OR1J2: variants seen among roughly 807,000 people sequenced by gnomAD.
OR1J2 encodes olfactory receptor family 1 subfamily J member 2.
For synonymous variants in OR1J2, 142 were observed against 99.7 expected (o/e 1.42, Z -2.52); for missense variants, 304 against 246.1 (o/e 1.24, Z -1.57).
At chr9:122,473,009 G>A in the OR1J2 span, among the ~76,000 whole-genome samples, 1 of 152,166 alleles carries the variant, frequency 6.6e-6, no homozygotes, top group Non-Finnish European at 1.5e-5. Flanking sequence ...TTTCTCCCAA[G>A]ATGTTTGGAT....
At chr9:122,447,977 G>T in the OR1J2 span, among the ~76,000 whole-genome samples, 2 of 152,180 alleles carry the variant, frequency 1.3e-5, no homozygotes, top group African/African-American at 4.8e-5. Context: ...TGTCAGGTGG[G>T]ATGAGAGACT....
chr9:122,529,874 T>C, the OR1J2 span, among the ~76,000 whole-genome samples: 1 of 152,188 alleles, frequency 6.6e-6, no homozygotes, highest in Non-Finnish European at 1.5e-5. Context: ...CGACTGTTTG[T>C]CTCAAGTGAC....
At chr9:122,573,847 T>C in the OR1J2 span, among the ~76,000 whole-genome samples, 1 of 152,354 alleles carries the variant, frequency 6.6e-6, no homozygotes, top group East Asian at 1.9e-4. Flanking sequence ...TTTTCTCTTA[T>C]GTTATCCTCT....
chr9:122,487,217 A>G, the OR1J2 span, among the ~76,000 whole-genome samples: 1 of 152,208 alleles, frequency 6.6e-6, no homozygotes, highest in Non-Finnish European at 1.5e-5. Context: ...AGGTATGTTT[A>G]TAACTATTTA....
chr9:122,520,595 C>G, the OR1J2 span, among the ~76,000 whole-genome samples: 4 of 152,222 alleles, frequency 2.6e-5, no homozygotes, highest in South Asian at 8.3e-4. Flanking sequence ...GGTTCCTCTT[C>G]TAGACTACAA....
the OR1J2 span, among the ~76,000 whole-genome samples, chr9:122,474,307 G>A: frequency 3.9e-5 from 6 of 152,288 alleles, no homozygotes; most frequent in South Asian, 1.2e-3. Flanking sequence ...TAAATTTAAT[G>A]ATGAAATCCA....
chr9:122,468,242 C>T, the OR1J2 span, among the ~76,000 whole-genome samples: 9 of 152,134 alleles, frequency 5.9e-5, no homozygotes, highest in African/African-American at 1.9e-4. Flanking sequence ...ATAATAAAGC[C>T]ATTTAATTTC....
chr9:122,453,865 G>A, the OR1J2 span, among the ~76,000 whole-genome samples: 1 of 152,310 alleles, frequency 6.6e-6, no homozygotes, highest in East Asian at 1.9e-4. Context: ...GTGTCATCTT[G>A]GGTTACAACA....
At chr9:122,464,303 C>A in the OR1J2 span, among the ~76,000 whole-genome samples, 1 of 152,246 alleles carries the variant, frequency 6.6e-6, no homozygotes, top group East Asian at 1.9e-4. Context: ...AGGTGCTCCC[C>A]CGCCCCCACC....
chr9:122,478,654 T>C, the OR1J2 span, among the ~76,000 whole-genome samples: 1 of 152,214 alleles, frequency 6.6e-6, no homozygotes, highest in Admixed American at 6.5e-5. Context: ...ATATGTACTA[T>C]TCTAGAAGGT....
chr9:122,546,850 T>C, the OR1J2 span, among the ~76,000 whole-genome samples: 1 of 152,182 alleles, frequency 6.6e-6, no homozygotes, highest in Non-Finnish European at 1.5e-5. Flanking sequence ...TAATTGTATG[T>C]ATTCGGGGGG....
chr9:122,449,018 A>G, the OR1J2 span: 1 of 151,702 alleles, frequency 6.6e-6, no homozygotes, highest in Admixed American at 6.6e-5. Context: ...AAAAAAAAAA[A>G]GTAGGGTAAG....
chr9:122,545,054 A>C, the OR1J2 span, among the ~76,000 whole-genome samples: 1 of 152,004 alleles, frequency 6.6e-6, no homozygotes, highest in Non-Finnish European at 1.5e-5. Context: ...ATTCATCTCA[A>C]AATATTTTCT....
the OR1J2 span, among the ~76,000 whole-genome samples, chr9:122,459,602 T>C: frequency 3.3e-5 from 5 of 152,172 alleles, no homozygotes; most frequent in Non-Finnish European, 5.9e-5. Context: ...GATGCACCAG[T>C]TCATGCACCG....
At chr9:122,471,967 T>G in the OR1J2 span, among the ~76,000 whole-genome samples, 2 of 152,156 alleles carry the variant, frequency 1.3e-5, no homozygotes, top group Admixed American at 1.3e-4. Context: ...CTGGGCTACA[T>G]AAAATACAAT....
chr9:122,569,900 A>G, the OR1J2 span, among the ~76,000 whole-genome samples: 4 of 151,374 alleles, frequency 2.6e-5, no homozygotes, highest in Non-Finnish European at 4.4e-5. Flanking sequence ...TCATTGTTCA[A>G]TTCCCACCAA....
At chr9:122,537,923 G>T in the OR1J2 span, among the ~76,000 whole-genome samples, 1 of 152,160 alleles carries the variant, frequency 6.6e-6, no homozygotes, top group Non-Finnish European at 1.5e-5. Flanking sequence ...TGAGGGCTGG[G>T]CATCTCATTT....
the OR1J2 span, among the ~76,000 whole-genome samples, chr9:122,500,579 T>C: frequency 6.6e-5 from 10 of 152,336 alleles, no homozygotes; most frequent in Non-Finnish European, 1.0e-4. Flanking sequence ...TTTCATGATA[T>C]GGCCATGAGA....
downstream of OR1J2, among the ~76,000 whole-genome samples, chr9:122,516,279 G>A (rs531178070): frequency 6.6e-6 from 1 of 151,542 alleles, no homozygotes; most frequent in East Asian, 2.0e-4. Context: ...TGAATGTGGT[G>A]GGGTGGAGTC....
Sources: allele counts gnomAD v4.1 joint callset (sites outside exome capture counted in the v4.1 genomes callset), GRCh38; gene constraint gnomAD v4.1.1; transcripts MANE v1.5; gene names NCBI Gene and HGNC (gene_info 2026-07-23, HGNC 2026-07-21).